Variants in GFRA1 observed in about 807,000 individuals in gnomAD.
GFRA1 encodes the protein GDNF family receptor alpha-1.
In GFRA1, 16 loss-of-function variants were observed where a neutral mutation model predicts 51.6. That is an observed-to-expected ratio of 0.31 (90% CI 0.21 to 0.47). The LOEUF (loss-of-function observed/expected upper bound fraction) is 0.47. Among genes scored for constraint, GFRA1 ranks in the 20% least tolerant of loss-of-function variants. GFRA1 has a pLI of 1.00. For missense variants in GFRA1, 530 were observed against 594.3 expected (o/e 0.89, Z 1.13); for synonymous variants, 270 against 241.3 (o/e 1.12, Z -1.10).
intron 5 of GFRA1, among the ~76,000 whole-genome samples, chr10:116,188,093 G>A (rs963688844): frequency 2.6e-5 from 4 of 152,200 alleles, no homozygotes; most frequent in African/African-American, 9.7e-5. Flanking sequence ...TGGGACAGAG[G>A]AAATGAAAGG....
rs1954777017 is a variant in GFRA1, at chr10:116,060,853, A to T, written c.*3545T>A. The T allele has an allele frequency of 6.6e-6, 1 of 152,244 alleles. No homozygotes were observed. The highest frequency in any genetic ancestry group is 1.5e-5 in the Non-Finnish European group (1 of 68,046). 9.4% of individuals were successfully genotyped at this position (152,244 alleles called of 1,614,324 possible). A position where few individuals can be genotyped will look rare whatever the true frequency, so the allele number is the denominator to read the frequency against. ...TGAATGAAAACTTATTTTCCAAAAG[A>T]CAGCTCCTCTGAGGCCACAATTTTG... is the stretch of plus-strand genomic sequence containing the variant. On this transcript the variant is annotated 3_prime_UTR_variant, in exon 11 of 11. Coordinates refer to ENST00000355422, the MANE Select transcript of GFRA1 (RefSeq NM_005264.8).
chr10:116,065,449 G>A (rs971605175), intron 10 of GFRA1, 124 bp downstream of exon 10: 10 of 776,052 alleles, frequency 1.3e-5, no homozygotes, highest in Non-Finnish European at 1.8e-5. Context: ...ATGGAGGGTG[G>A]CTTAGATTTC....
At chr10:116,119,812 T>C (rs1317832883) in intron 6 of GFRA1, among the ~76,000 whole-genome samples, 1 of 152,184 alleles carries the variant, frequency 6.6e-6, no homozygotes, top group East Asian at 1.9e-4. Flanking sequence ...ACCAAATAAA[T>C]TATGGGAGCA....
At chr10:116,250,067 A>G (rs1968199057) in intron 4 of GFRA1, among the ~76,000 whole-genome samples, 4 of 152,168 alleles carry the variant, frequency 2.6e-5, no homozygotes, top group Admixed American at 6.5e-5. Flanking sequence ...GCAAGGGCAA[A>G]GGCTTTGAGG....
intron 9 of GFRA1, among the ~76,000 whole-genome samples, chr10:116,077,183 G>A (rs900419662): frequency 6.6e-6 from 1 of 152,166 alleles, no homozygotes; most frequent in South Asian, 2.1e-4. Context: ...TGGCCTCACT[G>A]GTGTTCACCT....
At chr10:116,230,633 A>G (rs954350206) in intron 4 of GFRA1, among the ~76,000 whole-genome samples, 4 of 152,114 alleles carry the variant, frequency 2.6e-5, no homozygotes, top group Admixed American at 2.6e-4. Flanking sequence ...GAAAGTATTT[A>G]TTGAGCAACT....
chr10:116,200,660 TGGAG>T (rs1235071658), intron 5 of GFRA1, among the ~76,000 whole-genome samples: 1 of 152,198 alleles, frequency 6.6e-6, no homozygotes, highest in Non-Finnish European at 1.5e-5. Context: ...GGCTTGCAGA[TGGAG>T]GCTTTCTTCC....
At chr10:116,096,881 G>GCA (rs1032555165) in intron 6 of GFRA1, 117 bp from the exon 7 acceptor site, 9 of 218,020 alleles carry the variant, frequency 4.1e-5, no homozygotes, top group East Asian at 6.9e-5. Context: ...ACACGCACAC[G>GCA]CACACACACA....
rs748891488 is a variant in GFRA1, at chr10:116,255,644, C to CTCCCCACA, written c.418+13851_418+13858dup. Reference sequence around the variant, plus strand: ...GATGTGTTAGCTCACCTGGAATCCACTCCCCACATCCCCACATTCCGGTCT... The same window carrying CTCCCCACA: ...GATGTGTTAGCTCACCTGGAATCCACTCCCCACATCCCCACATCCCCACATTCCGGTCT... On this transcript the variant is annotated intron_variant, in intron 4 of 10. Coordinates refer to ENST00000355422, the MANE Select transcript of GFRA1 (RefSeq NM_005264.8). The CTCCCCACA allele has an allele frequency of 1.3e-3, 1,688 of 1,289,120 alleles. 2 individuals carry two copies. The highest frequency in any genetic ancestry group is 1.6e-3 in the Non-Finnish European group (1,554 of 988,682). 79.9% of individuals were successfully genotyped at this position (1,289,120 alleles called of 1,614,324 possible).
chr10:116,183,199 T>C (rs1324644214), intron 5 of GFRA1, among the ~76,000 whole-genome samples: 1 of 152,172 alleles, frequency 6.6e-6, no homozygotes, highest in African/African-American at 2.4e-5. Context: ...AGGAAAGTTG[T>C]TTTACCCGCT....
chr10:116,263,034 G>T (rs1235560444), intron 4 of GFRA1, among the ~76,000 whole-genome samples: 1 of 152,340 alleles, frequency 6.6e-6, no homozygotes, highest in Non-Finnish European at 1.5e-5. Context: ...GAGAGACTCA[G>T]TGCAGGAATA....
At chr10:116,194,066 T>TAAAAAAA (rs1051845471) in intron 5 of GFRA1, among the ~76,000 whole-genome samples, 51 of 26,972 alleles carry the variant, frequency 1.9e-3, no homozygotes, top group Middle Eastern at 0.017. Context: ...AAATAAAATT[T>TAAAAAAA]AAAAAAAAAA....
At chr10:116,083,960 C>T (rs1464144317) in intron 9 of GFRA1, among the ~76,000 whole-genome samples, 3 of 152,194 alleles carry the variant, frequency 2.0e-5, no homozygotes, top group East Asian at 1.9e-4. Context: ...AAGCTTGACA[C>T]GACTCTGGGG....
intron 5 of GFRA1, among the ~76,000 whole-genome samples, chr10:116,145,075 G>C (rs1350650038): frequency 6.7e-6 from 1 of 149,666 alleles, no homozygotes; most frequent in Non-Finnish European, 1.5e-5. Flanking sequence ...CTTGAACCCG[G>C]GAGGTGGAGG....
intron 6 of GFRA1, among the ~76,000 whole-genome samples, chr10:116,106,437 T>C (rs1401390702): frequency 6.6e-6 from 1 of 152,232 alleles, no homozygotes; most frequent in Non-Finnish European, 1.5e-5. Flanking sequence ...CTCTGAAGCC[T>C]AGTGATATAG....
rs1414259649 is a variant in GFRA1, at chr10:116,063,399, T to C, written c.*999A>G. The C allele has an allele frequency of 6.6e-6, 1 of 152,252 alleles. No individual in the cohort carries two copies. The highest frequency in any genetic ancestry group is 1.5e-5 in the Non-Finnish European group (1 of 68,052). The allele number at this position is 152,252 out of a possible 1,614,324, so 9.4% of individuals were successfully genotyped here. A position where few individuals can be genotyped will look rare whatever the true frequency, so the allele number is the denominator to read the frequency against. On this transcript the variant is annotated 3_prime_UTR_variant, in exon 11 of 11. Coordinates refer to ENST00000355422, the MANE Select transcript of GFRA1 (RefSeq NM_005264.8). The stretch of plus-strand genomic sequence containing the variant: ...GAGGCTTCTCAGAGTCTGCTTTTGA[T>C]GAGCTGTATTTGTGAAGTTCATATC...
intron 5 of GFRA1, among the ~76,000 whole-genome samples, chr10:116,181,936 C>A (rs1238340974): frequency 6.6e-6 from 1 of 152,198 alleles, no homozygotes; most frequent in Non-Finnish European, 1.5e-5. Context: ...AGCCACTGGA[C>A]CTGGCCAAGT....
chr10:116,177,531 G>A (rs1048676651), intron 5 of GFRA1, among the ~76,000 whole-genome samples: 3 of 152,162 alleles, frequency 2.0e-5, no homozygotes, highest in Non-Finnish European at 4.4e-5. Context: ...GTCTTGGCTA[G>A]TGTTGGCTGT....
chr10:116,230,348 C>T (rs996077535), intron 4 of GFRA1, among the ~76,000 whole-genome samples: 4 of 152,196 alleles, frequency 2.6e-5, no homozygotes, highest in Admixed American at 2.6e-4. Flanking sequence ...CTGACGCTGA[C>T]AACTTGTTCA....
Sources: gnomAD v4.1 joint callset for allele counts (sites outside exome capture counted in the v4.1 genomes callset) on GRCh38, gnomAD v4.1.1 for gene constraint, MANE v1.5 for transcripts, NCBI Gene and HGNC (gene_info 2026-07-23, HGNC 2026-07-21) for gene names.